AGBL4: variants seen among roughly 807,000 people sequenced by gnomAD.
AGBL4 encodes AGBL carboxypeptidase 4, also known as cytosolic carboxypeptidase 6.
A neutral mutation model predicts 66.4 loss-of-function variants in AGBL4; 58 were observed. That is an observed-to-expected ratio of 0.87 (90% CI 0.71 to 1.09). The LOEUF (loss-of-function observed/expected upper bound fraction) is 1.09, where lower values mean the gene tolerates loss of function less well. AGBL4 is among the 50% of genes least tolerant of loss of function. AGBL4 has a pLI of 0.00. For synonymous variants in AGBL4, 234 were observed against 222.9 expected, an observed-to-expected ratio of 1.05 and a Z score of -0.44; for missense variants, 579 against 631.0, an observed-to-expected ratio of 0.92 and a Z score of 0.88.
chr1:49,152,623 T>C (rs764667688), intron 4 of AGBL4, among the ~76,000 whole-genome samples: 2 of 152,218 alleles, frequency 1.3e-5, no homozygotes, highest in Non-Finnish European at 2.9e-5. Flanking sequence ...ATTTAGCAGA[T>C]GGGGTGAAAA....
intron 5 of AGBL4, among the ~76,000 whole-genome samples, chr1:48,947,544 T>G (rs1422267756): frequency 6.6e-6 from 1 of 152,194 alleles, no homozygotes; most frequent in African/African-American, 2.4e-5. Flanking sequence ...TGTTCCATCC[T>G]CTCCTGTTTT....
chr1:49,675,593 G>C, intron 3 of AGBL4, among the ~76,000 whole-genome samples: 1 of 151,998 alleles, frequency 6.6e-6, no homozygotes, highest in East Asian at 1.9e-4. Context: ...TAATGATTCA[G>C]AAAACAGTAA....
At chr1:49,113,107 C>T (rs913475208) in intron 4 of AGBL4, among the ~76,000 whole-genome samples, 9 of 152,068 alleles carry the variant, frequency 5.9e-5, no homozygotes, top group Non-Finnish European at 1.0e-4. Context: ...CCTGCCACCA[C>T]GCCTGGCTAA....
intron 3 of AGBL4, among the ~76,000 whole-genome samples, chr1:49,569,400 G>C (rs998864791): frequency 1.3e-5 from 2 of 152,068 alleles, no homozygotes; most frequent in African/African-American, 4.8e-5. Context: ...AAGGATAAAT[G>C]CTTGAGGAGA....
intron 6 of AGBL4, among the ~76,000 whole-genome samples, chr1:48,706,387 C>T (rs1317781428): frequency 6.6e-6 from 1 of 152,066 alleles, no homozygotes; most frequent in Non-Finnish European, 1.5e-5. Context: ...AATTTTCATT[C>T]TCAAAATATA....
intron 5 of AGBL4, among the ~76,000 whole-genome samples, chr1:49,037,637 C>T (rs190674405): frequency 2.6e-5 from 4 of 152,198 alleles, no homozygotes; most frequent in Admixed American, 2.0e-4. Context: ...ATGTTTGATA[C>T]TCAAGTAAAG....
intron 3 of AGBL4, among the ~76,000 whole-genome samples, chr1:49,424,527 AGACT>A (rs1164323777): frequency 1.3e-5 from 2 of 152,212 alleles, no homozygotes; most frequent in African/African-American, 4.8e-5. Context: ...TGCACACAAC[AGACT>A]AACATTTGAA....
At chr1:48,669,590 A>C (rs365925) in intron 6 of AGBL4, among the ~76,000 whole-genome samples, 3 of 151,964 alleles carry the variant, frequency 2.0e-5, no homozygotes, top group African/African-American at 7.3e-5. Flanking sequence ...AACTGGCCTC[A>C]TCATTAACTC....
chr1:49,634,500 T>C (rs1645633299), intron 3 of AGBL4, among the ~76,000 whole-genome samples: 1 of 152,214 alleles, frequency 6.6e-6, no homozygotes. Context: ...TCTTTGCTAC[T>C]GTGAACAGTG....
At chr1:49,509,467 T>G (rs1648999463) in intron 3 of AGBL4, among the ~76,000 whole-genome samples, 1 of 151,870 alleles carries the variant, frequency 6.6e-6, no homozygotes, top group Non-Finnish European at 1.5e-5. Context: ...ATCGGAGACC[T>G]GGGTTATAAA....
intron 3 of AGBL4, among the ~76,000 whole-genome samples, chr1:49,680,871 G>A (rs1427417517): frequency 6.6e-6 from 1 of 150,686 alleles, no homozygotes; most frequent in African/African-American, 2.4e-5. Flanking sequence ...TGAATTCCCT[G>A]ATGTTCCTGA....
At chr1:49,726,980 A>G (rs1649079910) in intron 2 of AGBL4, among the ~76,000 whole-genome samples, 1 of 152,108 alleles carries the variant, frequency 6.6e-6, no homozygotes, top group Non-Finnish European at 1.5e-5. Context: ...TGCCCACCCT[A>G]CAATACAGTG....
intron 4 of AGBL4, among the ~76,000 whole-genome samples, chr1:49,226,718 T>A (rs1181759729): frequency 6.6e-6 from 1 of 152,192 alleles, no homozygotes; most frequent in Non-Finnish European, 1.5e-5. Flanking sequence ...CCCAAACTCC[T>A]TAGGTCCCCT....
chr1:49,514,015 C>CT (rs1358777518), intron 3 of AGBL4, among the ~76,000 whole-genome samples: 6 of 151,866 alleles, frequency 4.0e-5, no homozygotes, highest in Non-Finnish European at 8.8e-5. Context: ...ATTTGGCTCT[C>CT]TGTTTGTCTG....
chr1:49,297,298 C>T (rs1395202921), intron 3 of AGBL4, among the ~76,000 whole-genome samples: 1 of 152,170 alleles, frequency 6.6e-6, no homozygotes, highest in African/African-American at 2.4e-5. Flanking sequence ...TATTCAAAAA[C>T]AGATTGAGAG....
intron 11 of AGBL4, among the ~76,000 whole-genome samples, chr1:48,582,920 C>G (rs1391203120): frequency 6.6e-6 from 1 of 152,172 alleles, no homozygotes; most frequent in Non-Finnish European, 1.5e-5. Context: ...CACATATGCT[C>G]TGGTCTGTGG....
In AGBL4 at chr1:50,019,300, T is replaced by TCACACA. The variant is rs1321424494; in HGVS notation, c.34+4462_34+4463insTGTGTG. ...CTCTCTCTCTCTCTCTCTCTCTCTC[T>TCACACA]CTCTCTCACACACACACACACACAC... On this transcript the variant is annotated intron_variant, in intron 1 of 13. Transcript: ENST00000371839. 3.3e-3 allele frequency among the ~76,000 whole-genome samples: 238 copies of TCACACA among 72,054 alleles called. 2 individuals carry two copies. The highest frequency in any genetic ancestry group is 6.6e-3 in the Middle Eastern group (1 of 152). The allele number at this position is 72,054 out of a possible 152,430, so 47.3% of individuals were successfully genotyped here. A position where few individuals can be genotyped will look rare whatever the true frequency, so the allele number is the denominator to read the frequency against.
intron 3 of AGBL4, among the ~76,000 whole-genome samples, chr1:49,398,524 C>T (rs1645020203): frequency 1.3e-5 from 2 of 152,050 alleles, no homozygotes; most frequent in South Asian, 4.1e-4. Context: ...TCTGGCCCTC[C>T]ATACTCTTGT....
intron 4 of AGBL4, among the ~76,000 whole-genome samples, chr1:49,151,281 A>ATATAT (rs1396189033): frequency 7.0e-6 from 1 of 143,190 alleles, no homozygotes; most frequent in African/African-American, 2.6e-5. Context: ...AAAAAAAAAA[A>ATATAT]ATATATATAT....
Sources: gnomAD v4.1 joint callset for allele counts (sites outside exome capture counted in the v4.1 genomes callset) on GRCh38, gnomAD v4.1.1 for gene constraint, MANE v1.5 for transcripts, NCBI Gene and HGNC (gene_info 2026-07-23, HGNC 2026-07-21) for gene names.